The following LRRC37A3 variants were observed in gnomAD, a reference collection of about 807,000 sequenced individuals.
LRRC37A3 encodes the protein leucine rich repeat containing 37 member A3, also known as leucine-rich repeat-containing protein 37A3.
LRRC37A3 carries 25 observed loss-of-function variants against 106.2 expected under a neutral mutation model. The ratio of observed to expected loss-of-function variants is 0.24; its 90% CI spans 0.17 to 0.33. The LOEUF is 0.33. LRRC37A3 is among the 10% of genes least tolerant of loss of function. The pLI is 1.00. For synonymous variants in LRRC37A3, 305 were observed against 635.8 expected (o/e 0.48, Z 7.83); for missense variants, 712 against 1,644.9 (o/e 0.43, Z 9.81).
At chr17:64,906,733 A>ATT (rs1161143020) in intron 2 of LRRC37A3, among the ~76,000 whole-genome samples, 60 of 130,290 alleles carry the variant, frequency 4.6e-4, no homozygotes, top group Non-Finnish European at 7.6e-4. Context: ...AATGAAGACT[A>ATT]TTTTTTTTTT....
intron 2 of LRRC37A3, among the ~76,000 whole-genome samples, chr17:64,918,016 CAA>C (rs1974744234): frequency 6.8e-6 from 1 of 147,562 alleles, no homozygotes; most frequent in Non-Finnish European, 1.5e-5. Context: ...ATAATATGAT[CAA>C]GAGAGGTTCA....
Position 64,858,861 on chromosome 17 carries a change from T to A in LRRC37A3, c.4727A>T (p.Tyr1576Phe). Reference sequence around the variant, plus strand: ...CAAGATGAGTTTTTTGGTATAGCCATATCCTGGAAGTTCTTTTGTGAACTA... The same window carrying A: ...CAAGATGAGTTTTTTGGTATAGCCAAATCCTGGAAGTTCTTTTGTGAACTA... ...SLEFTKELPGYGYTKKLILAL... is the reference protein window; with the variant it reads ...SLEFTKELPGFGYTKKLILAL... Residue 1576 changes from tyrosine to phenylalanine, a missense_variant, in exon 13 of 15, where the codon TAT (tyrosine) becomes TTT (phenylalanine). Physicochemically the swap from Tyr to Phe is conservative, Grantham distance 22. Transcript: ENST00000584306. The A allele has an allele frequency of 6.2e-7, 1 of 1,610,080 alleles. No individual in the cohort carries two copies. Among genetic ancestry groups the A allele is most frequent in the Non-Finnish European group, 8.5e-7 (1 of 1,178,460 alleles).
intron 10 of LRRC37A3, chr17:64,863,320 G>C (rs1439031170): frequency 2.5e-6 from 1 of 394,086 alleles, no homozygotes; most frequent in Non-Finnish European, 4.7e-6. Context: ...TGGGCTGAAA[G>C]TACAGAGGAA....
In LRRC37A3 at chr17:64,915,156, C is replaced by T. The variant is rs950729848; in HGVS notation, c.-496+3594G>A. 1.2e-3 allele frequency among the ~76,000 whole-genome samples: 179 copies of T among 152,158 alleles called. 1 individual carries two copies. The highest frequency in any genetic ancestry group is 4.4e-3 in the Admixed American group (67 of 15,278). Reference sequence around the variant, plus strand: ...TTCCCAATACAAAAAAAAGGATAAACATCTGAGATGATGGATACCCTAATT... The same window carrying T: ...TTCCCAATACAAAAAAAAGGATAAATATCTGAGATGATGGATACCCTAATT... On this transcript the variant is annotated intron_variant, in intron 2 of 14. Coordinates refer to ENST00000584306, the MANE Select transcript of LRRC37A3 (RefSeq NM_199340.5).
At chr17:64,862,037 C>T (rs1035343079) in intron 11 of LRRC37A3, among the ~76,000 whole-genome samples, 1 of 150,840 alleles carries the variant, frequency 6.6e-6, no homozygotes, top group Non-Finnish European at 1.5e-5. Flanking sequence ...TGTTTTTCCT[C>T]ATCTGTAAAA....
chr17:64,903,795 C>G (rs1056310582), intron 2 of LRRC37A3, among the ~76,000 whole-genome samples: 2 of 151,658 alleles, frequency 1.3e-5, no homozygotes, highest in African/African-American at 4.9e-5. Context: ...AGTACCCTTT[C>G]TAGTATCTCT....
At chr17:64,858,397 C>T (rs952838323) in intron 13 of LRRC37A3, among the ~76,000 whole-genome samples, 4 of 152,166 alleles carry the variant, frequency 2.6e-5, no homozygotes, top group African/African-American at 7.2e-5. Context: ...ATGACAACTC[C>T]GTGAGGGTGG....
intron 10 of LRRC37A3, among the ~76,000 whole-genome samples, chr17:64,867,546 C>T (rs898502638): frequency 1.6e-4 from 25 of 151,730 alleles, no homozygotes; most frequent in Non-Finnish European, 2.9e-4. Context: ...TTGTATACAG[C>T]CTCAGGTATA....
intron 2 of LRRC37A3, among the ~76,000 whole-genome samples, chr17:64,901,936 C>T (rs1393109335): frequency 7.0e-6 from 1 of 142,798 alleles, no homozygotes. Context: ...TTCCAAGGCT[C>T]ACAGCAAAGC....
intron 11 of LRRC37A3, among the ~76,000 whole-genome samples, chr17:64,861,572 G>A (rs573784312): frequency 2.0e-5 from 3 of 152,272 alleles, no homozygotes; most frequent in Admixed American, 6.5e-5. Flanking sequence ...CAGAAGATGC[G>A]ACATGGAAAA....
In LRRC37A3 at chr17:64,897,049, T is replaced by A. The variant is rs537550388; in HGVS notation, c.209A>T (p.Glu70Val). ...WSSHSSHFPR[E>V]SPHAPTLPAD... is the part of the protein sequence containing the mutation. ...TGGGAGAGTAGGCGCATGGGGAGAT[T>A]CCCGTGGGAAATGGGAGGAGTGGGA... Residue 70 changes from glutamate (E) to valine (V), a missense_variant, in exon 4 of 15, where the codon GAA becomes GTA. Physicochemically the swap from Glu to Val is moderately radical, Grantham distance 121 (BLOSUM62 -2). Coordinates refer to ENST00000584306, the MANE Select transcript of LRRC37A3 (RefSeq NM_199340.5). 4 of 1,601,098 alleles carry A rather than the reference T, an allele frequency of 2.5e-6. No homozygotes were observed. In the African/African-American group the frequency reaches 5.8e-5, roughly 23 times the overall value.
At chr17:64,870,114 G>A (rs1162644133) in intron 8 of LRRC37A3, among the ~76,000 whole-genome samples, 14 of 138,966 alleles carry the variant, frequency 1.0e-4, no homozygotes, top group East Asian at 2.1e-4. Context: ...TTTCTGAGAC[G>A]GAGTCTCACT....
At chr17:64,861,036 T>C in intron 11 of LRRC37A3, 63 bp from the exon 12 acceptor site, 1 of 1,610,340 alleles carries the variant, frequency 6.2e-7, no homozygotes, top group Non-Finnish European at 8.5e-7. Flanking sequence ...CATCAGTCCA[T>C]AGCTGTACAC....
intron 2 of LRRC37A3, chr17:64,909,758 ATGT>A (rs1260284435): frequency 6.6e-6 from 1 of 152,252 alleles, no homozygotes; most frequent in Non-Finnish European, 1.5e-5. Context: ...AAAGACATTA[ATGT>A]ACGCCCACAA....
At chr17:64,876,788 T>C (rs948530609) in intron 8 of LRRC37A3, 2 of 151,994 alleles carry the variant, frequency 1.3e-5, no homozygotes, top group African/African-American at 4.8e-5. Flanking sequence ...CTGGTGAATC[T>C]ACCAAATACT....
Position 64,860,425 on chromosome 17 carries a change from G to T in LRRC37A3, c.3721C>A (p.His1241Asn), listed in dbSNP as rs374679304. 115 of 1,613,996 alleles carry T rather than the reference G, an allele frequency of 7.1e-5. No homozygotes were observed. The African/African-American group carries it at 1.1e-3, about 15-fold the overall frequency. ...VYTKPSFTQEHKAAVSVLKPF... is the reference protein window; with the variant it reads ...VYTKPSFTQENKAAVSVLKPF... ...TTCAGCACAGAGACTGCTGCCTTAT[G>T]CTCTTGGGTGAACGAAGGCTTGGTG... Residue 1241 changes from histidine (H) to asparagine (N), a missense_variant, in exon 12 of 15, where the codon CAT becomes AAT. His to Asn is a moderately conservative substitution (Grantham distance 68, BLOSUM62 1). Transcript: ENST00000584306.
In LRRC37A3 at chr17:64,877,308, T is replaced by C. The variant is rs1294372384; in HGVS notation, c.2907-8142A>G. Among the ~76,000 whole-genome samples the C allele has an allele frequency of 1.6e-3, 246 of 152,262 alleles. 1 individual carries two copies. The highest frequency in any genetic ancestry group is 2.6e-3 in the Non-Finnish European group (180 of 68,006). On this transcript the variant is annotated intron_variant, in intron 8 of 14. Coordinates refer to ENST00000584306, the MANE Select transcript of LRRC37A3 (RefSeq NM_199340.5). ...CCTCCACCTCCCGGGTTCAAGTGAT[T>C]CTCCTACCTCAGCCTCCTGAGTAGC...
intron 10 of LRRC37A3, among the ~76,000 whole-genome samples, chr17:64,864,720 A>G (rs573472653): frequency 6.6e-6 from 1 of 151,916 alleles, no homozygotes; most frequent in South Asian, 2.1e-4. Context: ...CCTTGTCATT[A>G]TAATAGTACC....
At chr17:64,858,729 C>T in intron 13 of LRRC37A3, 50 bp downstream of exon 13, 1 of 1,413,210 alleles carries the variant, frequency 7.1e-7, no homozygotes, top group Non-Finnish European at 1.0e-6. Flanking sequence ...TCTGAATCCA[C>T]ACAAAGACAG....
Sources: gnomAD v4.1 joint callset for allele counts (sites outside exome capture counted in the v4.1 genomes callset) on GRCh38, gnomAD v4.1.1 for gene constraint, MANE v1.5 for transcripts, NCBI Gene and HGNC (gene_info 2026-07-23, HGNC 2026-07-21) for gene names.